PITPNC1: variants seen among roughly 807,000 people sequenced by gnomAD.
PITPNC1 encodes cytoplasmic phosphatidylinositol transfer protein 1.
A neutral mutation model predicts 44.7 loss-of-function variants in PITPNC1; 18 were observed. The ratio of observed to expected loss-of-function variants is 0.40; its 90% CI spans 0.28 to 0.60. The LOEUF is 0.60. Ranked by LOEUF, PITPNC1 falls within the 20% of genes least tolerant of loss-of-function variation. The pLI, the probability that PITPNC1 is intolerant of heterozygous loss-of-function variation, is 0.39. For synonymous variants in PITPNC1, 141 were observed against 149.6 expected (o/e 0.94, Z 0.42); for missense variants, 290 against 418.4 (o/e 0.69, Z 2.68).
At chr17:67,546,390 A>G (rs1347913793) in intron 2 of PITPNC1, among the ~76,000 whole-genome samples, 1 of 151,976 alleles carries the variant, frequency 6.6e-6, no homozygotes, top group South Asian at 2.1e-4. Context: ...AGTCCATGCT[A>G]TCCTATTCTG....
At chr17:67,681,365 C>T (rs533174688) in intron 8 of PITPNC1, among the ~76,000 whole-genome samples, 1 of 152,118 alleles carries the variant, frequency 6.6e-6, no homozygotes, top group Non-Finnish European at 1.5e-5. Flanking sequence ...GTAATCCCAG[C>T]ACTTTGGGAG....
At chr17:67,589,945 G>A (rs1047425332) in intron 5 of PITPNC1, among the ~76,000 whole-genome samples, 1 of 152,084 alleles carries the variant, frequency 6.6e-6, no homozygotes, top group African/African-American at 2.4e-5. Context: ...TCCAGCCTGG[G>A]TGACAGAGTG....
At position 67,692,972 on chromosome 17, in the gene PITPNC1, C is replaced by A. The variant is rs1257714081; in HGVS notation, c.*84C>A. The A allele has an allele frequency of 1.1e-6, 1 of 885,196 alleles. No homozygotes were observed. Among genetic ancestry groups the A allele is most frequent in the Non-Finnish European group, 1.8e-6 (1 of 563,210 alleles). 54.8% of individuals were successfully genotyped at this position (885,196 alleles called of 1,614,324 possible). ...AAGAATCTTCTGATAGAGAAAAAGA[C>A]TGCTTTGTCACTCAAACATGTTCCT... On this transcript the variant is annotated 3_prime_UTR_variant, in exon 9 of 9. Transcript: ENST00000581322.
rs184941448 is a variant in PITPNC1, at chr17:67,556,275, C to T, written c.294+2658C>T. Among the ~76,000 whole-genome samples the T allele has an allele frequency of 3.9e-5, 6 of 152,318 alleles. No individual in the cohort carries two copies. In the East Asian group the frequency reaches 1.2e-3, roughly 29 times the overall value. Reference sequence around the variant, plus strand: ...TGTGGGAGACAGGAAGAAAAGTACACAGCACTCAAGGAGGTTACTCAGTAT... The same window carrying T: ...TGTGGGAGACAGGAAGAAAAGTACATAGCACTCAAGGAGGTTACTCAGTAT... On this transcript the variant is annotated intron_variant, in intron 4 of 8. Coordinates refer to ENST00000581322, the MANE Select transcript of PITPNC1 (RefSeq NM_012417.4).
chr17:67,607,718 C>CTTTT (rs80303438), intron 5 of PITPNC1, among the ~76,000 whole-genome samples: 1 of 150,284 alleles, frequency 6.7e-6, no homozygotes, highest in Non-Finnish European at 1.5e-5. Context: ...GACTCCTTAA[C>CTTTT]TTTTTTTTCT....
At chr17:67,502,702 C>T (rs567010951) in intron 1 of PITPNC1, among the ~76,000 whole-genome samples, 6 of 151,616 alleles carry the variant, frequency 4.0e-5, no homozygotes, top group African/African-American at 1.5e-4. Flanking sequence ...GTTTTGGGTA[C>T]TTGAGGAAGT....
chr17:67,686,933 A>AG, intron 8 of PITPNC1: 1 of 623,642 alleles, frequency 1.6e-6, no homozygotes, highest in Non-Finnish European at 2.9e-6. Context: ...TGACTTACTC[A>AG]TCATAAAGTT....
chr17:67,645,078 T>G (rs192765978), intron 6 of PITPNC1, among the ~76,000 whole-genome samples: 9 of 152,208 alleles, frequency 5.9e-5, no homozygotes, highest in Admixed American at 3.9e-4. Flanking sequence ...CGGTGGCTCA[T>G]GCCTGTAATC....
At chr17:67,381,598 C>T (rs925316600) in intron 1 of PITPNC1, among the ~76,000 whole-genome samples, 3 of 151,824 alleles carry the variant, frequency 2.0e-5, no homozygotes, top group African/African-American at 7.2e-5. Context: ...TCCCGAGTAG[C>T]TGGGACTACA....
intron 8 of PITPNC1, among the ~76,000 whole-genome samples, chr17:67,681,960 G>C (rs143959805): frequency 0.038 from 5,728 of 152,202 alleles, 166 homozygotes; most frequent in Middle Eastern, 0.11. Flanking sequence ...CACTTTGGGA[G>C]ACCGAGGCAG....
intron 5 of PITPNC1, among the ~76,000 whole-genome samples, chr17:67,587,641 G>A (rs1426239357): frequency 6.6e-6 from 1 of 152,140 alleles, no homozygotes; most frequent in African/African-American, 2.4e-5. Context: ...TCCTAAGAAG[G>A]ACCTTCTGAT....
intron 1 of PITPNC1, among the ~76,000 whole-genome samples, chr17:67,525,828 T>C (rs901969572): frequency 6.6e-6 from 1 of 152,188 alleles, no homozygotes; most frequent in Non-Finnish European, 1.5e-5. Flanking sequence ...AGCCAAATGA[T>C]ATCACTCTCT....
chr17:67,503,567 A>G (rs1045391681), intron 1 of PITPNC1, among the ~76,000 whole-genome samples: 33 of 152,272 alleles, frequency 2.2e-4, no homozygotes, highest in African/African-American at 7.7e-4. Context: ...AACAAAGGCA[A>G]ATTAATAGGG....
At chr17:67,451,642 G>C (rs1043061958) in intron 1 of PITPNC1, among the ~76,000 whole-genome samples, 2 of 135,972 alleles carry the variant, frequency 1.5e-5, no homozygotes, top group African/African-American at 5.8e-5. Context: ...TTTTTTTTTT[G>C]TTTTGTTTTT....
intron 1 of PITPNC1, among the ~76,000 whole-genome samples, chr17:67,385,719 G>A (rs2038037015): frequency 1.3e-5 from 2 of 150,484 alleles, no homozygotes; most frequent in South Asian, 2.1e-4. Flanking sequence ...GACAGTGGAG[G>A]TTTGGCTAGC....
intron 6 of PITPNC1, among the ~76,000 whole-genome samples, chr17:67,667,922 G>T (rs946882460): frequency 6.6e-6 from 1 of 152,132 alleles, no homozygotes; most frequent in Non-Finnish European, 1.5e-5. Context: ...AGAGGTTGGG[G>T]TGAGCCAAGA....
intron 1 of PITPNC1, among the ~76,000 whole-genome samples, chr17:67,516,781 G>A (rs1003997855): frequency 1.3e-5 from 2 of 152,146 alleles, no homozygotes; most frequent in Non-Finnish European, 2.9e-5. Context: ...ACCACGCCTG[G>A]TTAATTTTTG....
chr17:67,552,242 T>C lies in PITPNC1; in HGVS notation c.198-15T>C. 7.0e-7 allele frequency: 1 copy of C among 1,423,082 alleles called. No homozygotes were observed. The highest frequency in any genetic ancestry group is 9.9e-7 in the Non-Finnish European group (1 of 1,006,490). The allele number at this position is 1,423,082 out of a possible 1,614,324, so 88.2% of individuals were successfully genotyped here. A position where few individuals can be genotyped will look rare whatever the true frequency, so the allele number is the denominator to read the frequency against. On this transcript the variant is annotated splice_polypyrimidine_tract_variant and intron_variant, in intron 2 of 8. Coordinates refer to ENST00000581322, the MANE Select transcript of PITPNC1 (RefSeq NM_012417.4). ...GAACAGACTCCAATTGTCTTTTTTC[T>C]TTCTTTCCTCTTAGCAAACTGCCTA...
chr17:67,579,068 G>A (rs1019624489), intron 5 of PITPNC1, among the ~76,000 whole-genome samples: 7 of 152,238 alleles, frequency 4.6e-5, no homozygotes, highest in Non-Finnish European at 1.0e-4. Flanking sequence ...TGCGGTGTAT[G>A]TATACACCCA....
Sources: gnomAD v4.1 joint callset for allele counts (sites outside exome capture counted in the v4.1 genomes callset) on GRCh38, gnomAD v4.1.1 for gene constraint, MANE v1.5 for transcripts, NCBI Gene and HGNC (gene_info 2026-07-23, HGNC 2026-07-21) for gene names.